The following MEN1 variants were observed in gnomAD, a reference collection of about 807,000 sequenced individuals.
MEN1 encodes menin 1.
In MEN1, 6 loss-of-function variants were observed where a neutral mutation model predicts 58.0. The observed-to-expected ratio is 0.10, with a 90% CI of 0.06 to 0.20. MEN1 has a LOEUF of 0.20. Ranked by LOEUF, MEN1 falls within the 10% of genes least tolerant of loss-of-function variation. The probability of loss-of-function intolerance (pLI) is 1.00; values close to 1 mark genes in which losing one functional copy is unlikely to be tolerated. For synonymous variants in MEN1, 346 were observed against 350.7 expected, an observed-to-expected ratio of 0.99 and a Z score of 0.15; for missense variants, 492 against 818.5, an observed-to-expected ratio of 0.60 and a Z score of 4.87.
In MEN1 at chr11:64,804,736, T is replaced by A. The variant is rs863224811; in HGVS notation, c.1431A>T (p.Glu477Asp). 1 of 1,596,964 alleles carries A rather than the reference T, an allele frequency of 6.3e-7. No individual in the cohort carries two copies. The highest frequency in any genetic ancestry group is 8.5e-7 in the Non-Finnish European group (1 of 1,178,610). The change falls in exon 10 of 10, where the codon GAA becomes GAT. Residue 477 changes from glutamate to aspartate, a missense_variant. Glu to Asp is a conservative substitution (Grantham distance 45, BLOSUM62 2). Coordinates refer to ENST00000450708, the MANE Select transcript of MEN1 (RefSeq NM_001370259.2). The surrounding 1 kb of genome is among the most constrained non-coding windows in gnomAD (Gnocchi z 4.2). The part of the protein sequence containing the change: ...AEEPWGEEAR[E>D]GRRRGPRRES... ...CCCGCCGTGGGCCCCGCCGCCGGCCTTCCCGGGCTTCCTCGCCCCACGGCT... is the reference window on the plus strand; with the variant it reads ...CCCGCCGTGGGCCCCGCCGCCGGCCATCCCGGGCTTCCTCGCCCCACGGCT...
chr11:64,806,016 G>T, intron 7 of MEN1: 1 of 673,048 alleles, frequency 1.5e-6, no homozygotes, highest in Non-Finnish European at 2.5e-6. Flanking sequence ...AGACTGTTCT[G>T]AGAAAAAAAA....
At chr11:64,806,042 G>A in intron 7 of MEN1, 190 bp downstream of exon 7, 4 of 710,900 alleles carry the variant, frequency 5.6e-6, no homozygotes, top group South Asian at 1.8e-5. Context: ...GGAGGAGAGG[G>A]GAGGGAGGGA....
intron 7 of MEN1, 30 bp downstream of exon 7, chr11:64,806,202 G>A (rs746253585): frequency 2.5e-6 from 4 of 1,613,546 alleles, no homozygotes; most frequent in South Asian, 1.1e-5. Flanking sequence ...AGAAAGGACA[G>A]GCTGCAGGCC....
chr11:64,808,790 A>G (rs1024794553), intron 2 of MEN1, among the ~76,000 whole-genome samples: 2 of 150,924 alleles, frequency 1.3e-5, no homozygotes, highest in Non-Finnish European at 3.0e-5. Flanking sequence ...CTAAAAATCC[A>G]AAAAAAAATT....
At chr11:64,805,981 A>G (rs987026464) in intron 7 of MEN1, 1 of 650,396 alleles carries the variant, frequency 1.5e-6, no homozygotes, top group South Asian at 1.8e-5. Flanking sequence ...CTGCTGGATG[A>G]TGGTGGTTAA....
At position 64,808,042 on chromosome 11, in the gene MEN1, A is replaced by G. The variant is rs386134256; in HGVS notation, c.503T>C (p.Leu168Pro). The change falls in exon 3 of 10, where the codon CTG becomes CCG. Residue 168 changes from leucine (L) to proline (P), a missense_variant. Transcript: ENST00000450708. ...GGCGAGGTGGACATCCCGGAGACCC[A>G]GGGCCTGGCAGGCCCCAACCACAGC... Reference protein sequence around the residue: ...AFAVVGACQALGLRDVHLALS... With the variant: ...AFAVVGACQAPGLRDVHLALS... 6.2e-7 allele frequency: 1 copy of G among 1,614,072 alleles called. No individual in the cohort carries two copies. Among genetic ancestry groups the G allele is most frequent in the South Asian group, 1.1e-5 (1 of 91,088 alleles).
chr11:64,809,738 G>A lies in MEN1; in HGVS notation c.372C>T (p.Val124=), dbSNP rs2136181316. ...AGGAGCGGCTGAGGCTGTTCCATAT[G>A]ACATCGGAGACCTTCTTCACCAGCT... ...SRELVKKVSD[V]IWNSLSRSYF... is the part of the protein sequence containing the mutation. Residue 124 remains valine (V), a synonymous_variant, in exon 2 of 10, where the codon GTC becomes GTT. Transcript: ENST00000450708. 2 of 1,614,214 alleles carry A rather than the reference G, an allele frequency of 1.2e-6. No homozygotes were observed. The highest frequency in any genetic ancestry group is 1.7e-5 in the Admixed American group (1 of 60,028).
Position 64,806,337 on chromosome 11 carries a change from T to C in MEN1, c.944A>G (p.Asp315Gly). ...GTACATGTAGGGGTAGATGTGTTCATCCCGATAGTAGGTCTTGGCTGAGGC... is the reference window on the plus strand; with the variant it reads ...GTACATGTAGGGGTAGATGTGTTCACCCCGATAGTAGGTCTTGGCTGAGGC... Reference protein sequence around the residue: ...GIASAKTYYRDEHIYPYMYLA... With the variant: ...GIASAKTYYRGEHIYPYMYLA... The change falls in exon 7 of 10, where the codon GAT (aspartate) becomes GGT (glycine). Residue 315 changes from aspartate to glycine, a missense_variant. This residue lies in a region of MEN1 where 335 missense variants were observed against 550.3 expected (regional missense o/e 0.61). Coordinates refer to ENST00000450708, the MANE Select transcript of MEN1 (RefSeq NM_001370259.2). 1.2e-6 allele frequency: 2 copies of C among 1,614,154 alleles called. No homozygotes were observed. The highest frequency in any genetic ancestry group is 1.7e-6 in the Non-Finnish European group (2 of 1,179,996).
rs564709062 is a variant in MEN1, at chr11:64,805,474, G to C, written c.1185+161C>G. Among the ~76,000 whole-genome samples, 165 of 152,298 alleles carry C rather than the reference G, an allele frequency of 1.1e-3. 3 individuals are homozygous for C. In the South Asian group the frequency reaches 0.032, roughly 30 times the overall value. On this transcript the variant is annotated intron_variant, in intron 8 of 9. Coordinates refer to ENST00000450708, the MANE Select transcript of MEN1 (RefSeq NM_001370259.2). ...AAATACCTTCAGTCCCGTCCAACGT[G>C]GGCCCAGGACCTCAGTTATAGCAAA...
In MEN1 at chr11:64,804,904, C is replaced by T; in HGVS notation, c.1351-88G>A. 6.3e-7 allele frequency: 1 copy of T among 1,596,646 alleles called. No individual in the cohort carries two copies. The highest frequency in any genetic ancestry group is 8.5e-7 in the Non-Finnish European group (1 of 1,178,748). ...CCCTGCTCTGGCCATCCCATCCCAC[C>T]CAGGGGGTCTCAGTCCCATCGGCAC... is the stretch of plus-strand genomic sequence containing the variant. On this transcript the variant is annotated intron_variant, in intron 9 of 9. Coordinates refer to ENST00000450708, the MANE Select transcript of MEN1 (RefSeq NM_001370259.2). This position sits in a 1 kb window ranked among gnomAD's most constrained non-coding sequence, Gnocchi z 4.2.
chr11:64,807,702 T>C lies in MEN1; in HGVS notation c.655-22A>G, dbSNP rs745967871. ...AGCTCTTAGGGGGGGATGAGATCAT[T>C]ATGTCTCATGATGGCCCACCCTGTG... On this transcript the variant is annotated intron_variant, in intron 3 of 9. Transcript: ENST00000450708. The surrounding 1 kb of genome is among the most constrained non-coding windows in gnomAD (Gnocchi z 4.9). The C allele has an allele frequency of 2.5e-6, 4 of 1,614,016 alleles. No homozygotes were observed. The highest frequency in any genetic ancestry group is 1.7e-5 in the Admixed American group (1 of 60,022).
In MEN1 at chr11:64,809,991, A is replaced by G. The variant is rs747617261; in HGVS notation, c.119T>C (p.Val40Ala). 1.3e-6 allele frequency: 2 copies of G among 1,599,650 alleles called. No homozygotes were observed. The highest frequency in any genetic ancestry group is 2.2e-5 in the South Asian group (2 of 88,930). ...EEPDLVLLSL[V>A]LGFVEHFLAV... ...CAGAAAATGCTCCACGAAGCCCAGC[A>G]CCAAGGAAAGGAGCACCAGGTCCGG... Residue 40 changes from valine to alanine, a missense_variant, in exon 2 of 10, where the codon GTG (valine) becomes GCG (alanine). Physicochemically the swap from Val to Ala is moderately conservative, Grantham distance 64. Transcript: ENST00000450708.
chr11:64,806,964 A>T lies in MEN1; in HGVS notation c.912+47T>A, dbSNP rs141791796. ...CTGCCCAGATGAGGGCCCCTGCCTC[A>T]GCCACTGTTAGGGTCTCCCTTCTGC... On this transcript the variant is annotated intron_variant, in intron 6 of 9. Coordinates refer to ENST00000450708, the MANE Select transcript of MEN1 (RefSeq NM_001370259.2). 5.5e-5 allele frequency: 86 copies of T among 1,571,246 alleles called. No individual in the cohort carries two copies. In the African/African-American group the frequency reaches 1.1e-3, roughly 19 times the overall value.
chr11:64,806,451 A>G, intron 6 of MEN1, 83 bp from the exon 7 acceptor site: 1 of 1,518,264 alleles, frequency 6.6e-7, no homozygotes, highest in East Asian at 2.3e-5. Flanking sequence ...GGGCACACCC[A>G]GAAGGGGCCA....
rs1941485737 is a variant in MEN1, at chr11:64,804,355, C to T, written c.1812G>A (p.Lys604=). The T allele has an allele frequency of 6.2e-7, 1 of 1,614,194 alleles. No individual in the cohort carries two copies. Among genetic ancestry groups the T allele is most frequent in the Non-Finnish European group, 8.5e-7 (1 of 1,180,022 alleles). ...TPSDYTLSFL[K]RQRKGL is the part of the protein sequence containing the mutation. ...TAGTTCAGAGGCCTTTGCGCTGCCG[C>T]TTGAGGAAAGACAGAGTGTAGTCAC... is the stretch of plus-strand genomic sequence containing the variant. The change falls in exon 10 of 10, where the codon AAG becomes AAA. Residue 604 remains lysine (K), a synonymous_variant. Coordinates refer to ENST00000450708, the MANE Select transcript of MEN1 (RefSeq NM_001370259.2). This position sits in a 1 kb window ranked among gnomAD's most constrained non-coding sequence, Gnocchi z 4.2.
rs1377671622 is a variant in MEN1 at position 64,805,274 on chromosome 11, A to G, written c.1186-76T>C. ...GCAGAGGGCACAGGCCAGGCCCCCC[A>G]CCTAGGCAAAGACCCCTGGCTCCAG... On this transcript the variant is annotated intron_variant, in intron 8 of 9. Coordinates refer to ENST00000450708, the MANE Select transcript of MEN1 (RefSeq NM_001370259.2). 4 of 1,526,734 alleles carry G rather than the reference A, an allele frequency of 2.6e-6. No individual in the cohort carries two copies. In the African/African-American group the frequency reaches 5.5e-5, roughly 21 times the overall value. 94.6% of individuals were successfully genotyped at this position (1,526,734 alleles called of 1,614,324 possible).
chr11:64,805,821 G>T, intron 7 of MEN1, 51 bp from the exon 8 acceptor site: 3 of 1,610,910 alleles, frequency 1.9e-6, no homozygotes, highest in Non-Finnish European at 2.5e-6. Flanking sequence ...TCACCATCGG[G>T]GGTAGCCCCA....
chr11:64,805,259 C>T (rs1941639453), intron 8 of MEN1, 61 bp from the exon 9 acceptor site: 1 of 1,573,202 alleles, frequency 6.4e-7, no homozygotes, highest in Admixed American at 1.7e-5. Flanking sequence ...GCAGAGGGCA[C>T]AGGCCAGGCC....
Position 64,807,463 on chromosome 11 carries a change from G to T in MEN1, c.783+89C>A. The T allele has an allele frequency of 1.4e-6, 2 of 1,413,918 alleles. No homozygotes were observed. The highest frequency in any genetic ancestry group is 2.0e-6 in the Non-Finnish European group (2 of 1,009,490). 87.6% of individuals were successfully genotyped at this position (1,413,918 alleles called of 1,614,324 possible). On this transcript the variant is annotated intron_variant, in intron 4 of 9. Coordinates refer to ENST00000450708, the MANE Select transcript of MEN1 (RefSeq NM_001370259.2). The surrounding 1 kb of genome is among the most constrained non-coding windows in gnomAD (Gnocchi z 4.9). Reference sequence around the variant, plus strand: ...CATTTTTCCAGGAGGGGAAGCTGAAGCTCAGGAAGGGAAAGTGCCCCTGCC... The same window carrying T: ...CATTTTTCCAGGAGGGGAAGCTGAATCTCAGGAAGGGAAAGTGCCCCTGCC...
Sources: allele counts gnomAD v4.1 joint callset (sites outside exome capture counted in the v4.1 genomes callset), GRCh38; gene constraint gnomAD v4.1.1; regional missense constraint gnomAD v4.1.1; non-coding constraint Gnocchi (gnomAD v3.1); transcripts MANE v1.5; gene names NCBI Gene and HGNC (gene_info 2026-07-23, HGNC 2026-07-21).